PRORP: variants seen among roughly 807,000 people sequenced by gnomAD.
The protein encoded by PRORP is protein only RNase P catalytic subunit.
A neutral mutation model predicts 59.4 loss-of-function variants in PRORP; 51 were observed. The ratio of observed to expected loss-of-function variants is 0.86; its 90% confidence interval spans 0.69 to 1.08. The LOEUF (loss-of-function observed/expected upper bound fraction) is 1.08. Ranked by LOEUF, PRORP falls within the 50% of genes least tolerant of loss-of-function variation. The pLI is 0.00. For synonymous variants in PRORP, 231 were observed against 245.6 expected, an observed-to-expected ratio of 0.94 and a Z score of 0.55; for missense variants, 646 against 690.3, an observed-to-expected ratio of 0.94 and a Z score of 0.72.
chr14:35,142,539 T>A (rs1049170093), intron 4 of PRORP, among the ~76,000 whole-genome samples: 3 of 139,886 alleles, frequency 2.1e-5, no homozygotes, highest in African/African-American at 5.1e-5. Flanking sequence ...AAAAAAAAAA[T>A]TTTAGATAGG....
intron 4 of PRORP, among the ~76,000 whole-genome samples, chr14:35,176,153 A>G (rs532430261): frequency 2.0e-5 from 3 of 152,290 alleles, no homozygotes; most frequent in South Asian, 4.1e-4. Flanking sequence ...ACCTTGTAGT[A>G]TAGTTTGCAG....
chr14:35,173,169 A>G (rs1595239123), intron 4 of PRORP, among the ~76,000 whole-genome samples: 1 of 152,160 alleles, frequency 6.6e-6, no homozygotes, highest in South Asian at 2.1e-4. Flanking sequence ...TGCCCAGCCC[A>G]GATTAGTTTA....
At chr14:35,199,502 T>G (rs558184892) in intron 5 of PRORP, among the ~76,000 whole-genome samples, 1 of 152,288 alleles carries the variant, frequency 6.6e-6, no homozygotes, top group East Asian at 1.9e-4. Flanking sequence ...ATTAGCACCC[T>G]TATAAAAGGG....
intron 4 of PRORP, among the ~76,000 whole-genome samples, chr14:35,172,453 C>CTTCCTTCCTTCCTTCCTTCCTTCT: frequency 3.0e-4 from 14 of 46,760 alleles, no homozygotes; most frequent in Middle Eastern, 9.3e-3. Flanking sequence ...TCCTTCCTTC[C>CTTCCTTCCTTCCTTCCTTCCTTCT]TTCTTTCTTT....
intron 5 of PRORP, among the ~76,000 whole-genome samples, chr14:35,259,290 A>G (rs2050838460): frequency 6.6e-6 from 1 of 152,150 alleles, no homozygotes; most frequent in African/African-American, 2.4e-5. Context: ...CATTGTTTGC[A>G]TGCTATATAA....
At chr14:35,168,960 C>T (rs193172175) in intron 4 of PRORP, among the ~76,000 whole-genome samples, 5 of 150,168 alleles carry the variant, frequency 3.3e-5, no homozygotes, top group Admixed American at 6.6e-5. Context: ...CAACTTTTTG[C>T]CTTATTAGCT....
At chr14:35,208,728 G>A (rs979277697) in intron 5 of PRORP, among the ~76,000 whole-genome samples, 4 of 152,062 alleles carry the variant, frequency 2.6e-5, no homozygotes, top group Admixed American at 6.6e-5. Flanking sequence ...AAATTAGGCC[G>A]GGCATGGTGG....
At chr14:35,186,158 T>TG (rs1435708346) in intron 5 of PRORP, among the ~76,000 whole-genome samples, 1 of 150,528 alleles carries the variant, frequency 6.6e-6, no homozygotes, top group African/African-American at 2.4e-5. Context: ...AATTTTTTTT[T>TG]TTTTTTTTTG....
intron 5 of PRORP, among the ~76,000 whole-genome samples, chr14:35,252,510 TC>T (rs2050640193): frequency 6.6e-6 from 1 of 152,202 alleles, no homozygotes; most frequent in Non-Finnish European, 1.5e-5. Flanking sequence ...TTGCCTTCTT[TC>T]ATGGTGCAGG....
chr14:35,130,094 A>G (rs1212835598), intron 4 of PRORP, among the ~76,000 whole-genome samples: 1 of 148,948 alleles, frequency 6.7e-6, no homozygotes, highest in Non-Finnish European at 1.5e-5. Flanking sequence ...GCAGTGGCAC[A>G]ATCTCAGCTC....
Position 35,192,035 on chromosome 14 carries a change from A to T in PRORP, c.1275+11258A>T, listed in dbSNP as rs1304341892. ...CCTAAGTGGTCTCCTTGCTTTTTTCATGCTTGCCTCAATAACTTCCCTTTA... is the reference window on the plus strand; with the variant it reads ...CCTAAGTGGTCTCCTTGCTTTTTTCTTGCTTGCCTCAATAACTTCCCTTTA... On this transcript the variant is annotated intron_variant, in intron 5 of 7. Transcript: ENST00000534898. 2.0e-5 allele frequency among the ~76,000 whole-genome samples: 3 copies of T among 152,082 alleles called. No individual in the cohort carries two copies. The East Asian group carries it at 5.8e-4, about 29-fold the overall frequency.
chr14:35,173,109 C>G (rs1187394764), intron 4 of PRORP, among the ~76,000 whole-genome samples: 1 of 152,152 alleles, frequency 6.6e-6, no homozygotes, highest in African/African-American at 2.4e-5. Flanking sequence ...ATCAAGTGAT[C>G]CACCCACCTG....
chr14:35,124,271 A>ATTTTTT, intron 2 of PRORP, 40 bp downstream of exon 2: 1 of 1,140,290 alleles, frequency 8.8e-7, no homozygotes, highest in South Asian at 1.8e-5. Context: ...TTATTCTTTA[A>ATTTTTT]TTTTTTTTTT....
Position 35,145,533 on chromosome 14 carries a change from A to G in PRORP, c.1167+17922A>G, listed in dbSNP as rs1435680192. 8.4e-5 allele frequency among the ~76,000 whole-genome samples: 12 copies of G among 142,180 alleles called. 3 individuals are homozygous for G. Among genetic ancestry groups the G allele is most frequent in the Non-Finnish European group, 1.9e-4 (12 of 64,422 alleles). 93.3% of individuals were successfully genotyped at this position (142,180 alleles called of 152,430 possible). ...TCAAGAGATCAAGACTATCCTGGCTAACATGGTGAAACCCCGTCTGTACTA... is the reference window on the plus strand; with the variant it reads ...TCAAGAGATCAAGACTATCCTGGCTGACATGGTGAAACCCCGTCTGTACTA... On this transcript the variant is annotated intron_variant, in intron 4 of 7. Coordinates refer to ENST00000534898, the MANE Select transcript of PRORP (RefSeq NM_014672.4).
At chr14:35,163,634 T>C (rs1381204160) in intron 4 of PRORP, among the ~76,000 whole-genome samples, 1 of 152,216 alleles carries the variant, frequency 6.6e-6, no homozygotes, top group Non-Finnish European at 1.5e-5. Flanking sequence ...GCTTGTTGAA[T>C]TAAGTTCCTT....
chr14:35,240,911 C>T (rs1441738392), intron 5 of PRORP, among the ~76,000 whole-genome samples: 1 of 152,062 alleles, frequency 6.6e-6, no homozygotes, highest in Non-Finnish European at 1.5e-5. Flanking sequence ...TCCCCTCGCC[C>T]GTGGATTCAA....
chr14:35,227,520 CT>C (rs755874648), intron 5 of PRORP, among the ~76,000 whole-genome samples: 1 of 152,128 alleles, frequency 6.6e-6, no homozygotes, highest in East Asian at 1.9e-4. Context: ...ATCATCTGTG[CT>C]TTCCTTCATT....
intron 5 of PRORP, among the ~76,000 whole-genome samples, chr14:35,181,734 G>A (rs1166963402): frequency 1.5e-4 from 22 of 146,740 alleles, no homozygotes; most frequent in Non-Finnish European, 1.9e-4. Flanking sequence ...GCAGTGAGCC[G>A]AGGTCGTGCC....
chr14:35,270,211 T>C (rs1264830555), intron 6 of PRORP, among the ~76,000 whole-genome samples, 190 bp from the exon 7 acceptor site: 1 of 152,226 alleles, frequency 6.6e-6, no homozygotes, highest in Non-Finnish European at 1.5e-5. Flanking sequence ...CCCTCAGCTT[T>C]CCATCTGTGT....
Sources: allele counts gnomAD v4.1 joint callset (sites outside exome capture counted in the v4.1 genomes callset), GRCh38; gene constraint gnomAD v4.1.1; transcripts MANE v1.5; gene names NCBI Gene and HGNC (gene_info 2026-07-23, HGNC 2026-07-21).